The following CA12 variants were observed in gnomAD, a reference collection of about 807,000 sequenced individuals.
The protein encoded by CA12 is carbonate dehydratase XII.
A neutral mutation model predicts 46.8 loss-of-function variants in CA12; 36 were observed. The ratio of observed to expected loss-of-function variants is 0.77; its 90% CI spans 0.59 to 1.02. The LOEUF (loss-of-function observed/expected upper bound fraction) is 1.02. Ranked by LOEUF, CA12 falls within the 50% of genes least tolerant of loss-of-function variation. CA12 has a pLI of 0.00. For synonymous variants in CA12, 202 were observed against 187.0 expected (o/e 1.08, Z -0.65); for missense variants, 436 against 451.4 (o/e 0.97, Z 0.31).
At position 63,327,024 on chromosome 15, in the gene CA12, C is replaced by T. The variant is rs1334093137; in HGVS notation, c.992+125G>A. ...AGGGCACGGGTGCTTTGGGGACGGC[C>T]CTCCTAGGGTAAGTGGTGGTCCAGG... is the stretch of plus-strand genomic sequence containing the variant. On this transcript the variant is annotated intron_variant, in intron 10 of 10. Coordinates refer to ENST00000178638, the MANE Select transcript of CA12 (RefSeq NM_001218.5). This position sits in a 1 kb window ranked among gnomAD's most constrained non-coding sequence, Gnocchi z 4.5. 2.4e-6 allele frequency: 2 copies of T among 832,200 alleles called. No individual in the cohort carries two copies. The highest frequency in any genetic ancestry group is 1.7e-5 in the African/African-American group (1 of 59,356). The allele number at this position is 832,200 out of a possible 1,614,324, so 51.6% of individuals were successfully genotyped here.
chr15:63,364,895 A>G (rs1378076809), intron 2 of CA12, among the ~76,000 whole-genome samples: 2 of 152,220 alleles, frequency 1.3e-5, no homozygotes, highest in South Asian at 4.1e-4. Context: ...TGTGCTGCTG[A>G]CAGCAATGAC....
chr15:63,334,375 C>T (rs952643975), intron 8 of CA12, among the ~76,000 whole-genome samples: 4 of 149,770 alleles, frequency 2.7e-5, no homozygotes, highest in African/African-American at 9.8e-5. Flanking sequence ...CCTGCCTCAG[C>T]CTCCACAGTA....
intron 1 of CA12, among the ~76,000 whole-genome samples, chr15:63,381,416 T>C (rs2039643602): frequency 6.6e-6 from 1 of 152,156 alleles, no homozygotes; most frequent in East Asian, 1.9e-4. Context: ...CGCAAACATT[T>C]TAACACCAAA....
At chr15:63,369,198 T>C (rs2039470895) in intron 2 of CA12, among the ~76,000 whole-genome samples, 2 of 152,238 alleles carry the variant, frequency 1.3e-5, no homozygotes, top group African/African-American at 4.8e-5. Flanking sequence ...CCTTTGTTTA[T>C]TGAAAATATA....
chr15:63,356,711 T>C (rs1429540687), intron 2 of CA12, among the ~76,000 whole-genome samples: 2 of 152,038 alleles, frequency 1.3e-5, no homozygotes, highest in Non-Finnish European at 2.9e-5. Context: ...TTAATAGAAA[T>C]GGGGTTTCAC....
At chr15:63,364,756 C>T (rs1039136447) in intron 2 of CA12, among the ~76,000 whole-genome samples, 14 of 152,254 alleles carry the variant, frequency 9.2e-5, no homozygotes, top group African/African-American at 3.1e-4. Flanking sequence ...TGTGTTCCCT[C>T]TTCCAATGTG....
chr15:63,366,992 G>A (rs2039443127), intron 2 of CA12, among the ~76,000 whole-genome samples: 1 of 152,090 alleles, frequency 6.6e-6, no homozygotes, highest in Non-Finnish European at 1.5e-5. Context: ...TATGATCTTG[G>A]CTCACTGCAG....
At position 63,326,339 on chromosome 15, in the gene CA12, G is replaced by A; in HGVS notation, c.1011C>T (p.Asn337=). Residue 337 remains asparagine, a synonymous_variant, in exon 11 of 11, where the codon AAC becomes AAT. Transcript: ENST00000178638. ...TGGCTGGCTTGTAAATGACTCCCTT[G>A]TTATCACCTTTTTTGATACTAGAAC... ...FRRKSIKKGD[N]KGVIYKPATK... is the part of the protein sequence containing the mutation. The A allele has an allele frequency of 1.2e-6, 2 of 1,613,820 alleles. No homozygotes were observed. The highest frequency in any genetic ancestry group is 1.7e-6 in the Non-Finnish European group (2 of 1,179,740).
At position 63,340,481 on chromosome 15, in the gene CA12, C is replaced by T; in HGVS notation, c.590-36G>A. The T allele has an allele frequency of 6.2e-7, 1 of 1,613,674 alleles. No individual in the cohort carries two copies. The highest frequency in any genetic ancestry group is 8.5e-7 in the Non-Finnish European group (1 of 1,179,558). On this transcript the variant is annotated intron_variant, in intron 6 of 10. Transcript: ENST00000178638. The surrounding 1 kb of genome is among the most constrained non-coding windows in gnomAD (Gnocchi z 4.4). ...ATGTTGCAGAGGTGATAGTGTCAGCCTCCCTCCGTAGGGCATAAGTGCAGC... is the reference window on the plus strand; with the variant it reads ...ATGTTGCAGAGGTGATAGTGTCAGCTTCCCTCCGTAGGGCATAAGTGCAGC...
intron 2 of CA12, among the ~76,000 whole-genome samples, 179 bp from the exon 3 acceptor site, chr15:63,346,888 A>G (rs2039157424): frequency 6.6e-6 from 1 of 152,222 alleles, no homozygotes; most frequent in African/African-American, 2.4e-5. Context: ...ACTCAGGACC[A>G]CCTGCTCTTA....
chr15:63,342,033 T>C lies in CA12; in HGVS notation c.494A>G (p.Glu165Gly). The part of the protein sequence containing the change: ...PDASTASNKS[E>G]GLAVLAVLIE... ...GAGAACAGCCAGGACAGCGAGGCCT[T>C]CTGACTTGTTGCTGGCAGTGCTGGC... is the stretch of plus-strand genomic sequence containing the variant. The change falls in exon 5 of 11, where the codon GAA becomes GGA. Residue 165 changes from glutamate to glycine, a missense_variant. Physicochemically the swap from Glu to Gly is moderately conservative, Grantham distance 98. Transcript: ENST00000178638. 10 of 1,614,042 alleles carry C rather than the reference T, an allele frequency of 6.2e-6. No homozygotes were observed. Among genetic ancestry groups the C allele is most frequent in the Non-Finnish European group, 8.5e-6 (10 of 1,179,882 alleles).
In CA12 at chr15:63,339,060, G is replaced by A. The variant is rs552992887; in HGVS notation, c.748-115C>T. The A allele has an allele frequency of 1.6e-6, 2 of 1,248,572 alleles. No individual in the cohort carries two copies. The highest frequency in any genetic ancestry group is 2.3e-6 in the Non-Finnish European group (2 of 877,398). 77.3% of individuals were successfully genotyped at this position (1,248,572 alleles called of 1,614,324 possible). Reference sequence around the variant, plus strand: ...GGAGAAGCCTCTGGAACCAGCTTCTGTGGGGCCGGGTGGGAGATATTAGAA... The same window carrying A: ...GGAGAAGCCTCTGGAACCAGCTTCTATGGGGCCGGGTGGGAGATATTAGAA... On this transcript the variant is annotated intron_variant, in intron 7 of 10. Coordinates refer to ENST00000178638, the MANE Select transcript of CA12 (RefSeq NM_001218.5). This position sits in a 1 kb window ranked among gnomAD's most constrained non-coding sequence, Gnocchi z 4.3.
At position 63,331,333 on chromosome 15, in the gene CA12, C is replaced by G. The variant is rs1295311643; in HGVS notation, c.875-3203G>C. ...TGGGTGAGAGCGAAGCCTCTAGGCA[C>G]TGTAGAGAACAGGCATCAAAGATGG... is the stretch of plus-strand genomic sequence containing the variant. On this transcript the variant is annotated intron_variant, in intron 8 of 10. Transcript: ENST00000178638. This position sits in a 1 kb window ranked among gnomAD's most constrained non-coding sequence, Gnocchi z 5.3. 6.6e-6 allele frequency among the ~76,000 whole-genome samples: 1 copy of G among 152,182 alleles called. No homozygotes were observed. The highest frequency in any genetic ancestry group is 1.5e-5 in the Non-Finnish European group (1 of 68,038).
At chr15:63,381,462 C>G (rs1012231972) in intron 1 of CA12, among the ~76,000 whole-genome samples, 174 bp downstream of exon 1, 1 of 152,224 alleles carries the variant, frequency 6.6e-6, no homozygotes, top group Non-Finnish European at 1.5e-5. Flanking sequence ...AACGTGCTTC[C>G]CGACCCAACC....
chr15:63,352,298 C>T (rs906555702), intron 2 of CA12, among the ~76,000 whole-genome samples: 2 of 152,238 alleles, frequency 1.3e-5, no homozygotes, highest in African/African-American at 4.8e-5. Context: ...CTAAAGCGAT[C>T]CACCTGCCTT....
In CA12 at chr15:63,327,315, G is replaced by T; in HGVS notation, c.908-82C>A. On this transcript the variant is annotated intron_variant, in intron 9 of 10. Transcript: ENST00000178638. The surrounding 1 kb of genome is among the most constrained non-coding windows in gnomAD (Gnocchi z 4.5). ...CATGGCCCCCGGGTGTGAAATCATGGCCCAGCTGCATAATCATCCACAGAA... is the reference window on the plus strand; with the variant it reads ...CATGGCCCCCGGGTGTGAAATCATGTCCCAGCTGCATAATCATCCACAGAA... 2 of 1,026,516 alleles carry T rather than the reference G, an allele frequency of 1.9e-6. No individual in the cohort carries two copies. The highest frequency in any genetic ancestry group is 1.4e-5 in the South Asian group (1 of 73,990). The allele number at this position is 1,026,516 out of a possible 1,614,324, so 63.6% of individuals were successfully genotyped here. A position where few individuals can be genotyped will look rare whatever the true frequency, so the allele number is the denominator to read the frequency against.
In CA12 at chr15:63,325,794, T is replaced by C. The variant is rs1441110447; in HGVS notation, c.*491A>G. 9.2e-6 allele frequency: 2 copies of C among 216,912 alleles called. No homozygotes were observed. Among genetic ancestry groups the C allele is most frequent in the East Asian group, 2.1e-4 (2 of 9,618 alleles). The allele number at this position is 216,912 out of a possible 1,614,324, so 13.4% of individuals were successfully genotyped here. A position where few individuals can be genotyped will look rare whatever the true frequency, so the allele number is the denominator to read the frequency against. ...AAGGTGCAGATTAAAGGTTTTGTCA[T>C]AGCAGAAGGAAATCAGAGGGAGATG... On this transcript the variant is annotated 3_prime_UTR_variant, in exon 11 of 11. Transcript: ENST00000178638. The surrounding 1 kb of genome is among the most constrained non-coding windows in gnomAD (Gnocchi z 4.9).
intron 4 of CA12, among the ~76,000 whole-genome samples, chr15:63,344,560 T>A (rs1195487418): frequency 6.6e-6 from 1 of 152,208 alleles, no homozygotes; most frequent in East Asian, 1.9e-4. Context: ...AGTGGTACCA[T>A]CCTATTGAAC....
In CA12 at chr15:63,339,705, T is replaced by A. The variant is rs887246613; in HGVS notation, c.747+583A>T. ...CATTTTTCTTCTCATGAATTTAGGCTGTGGAGGACAGGTATGAGCAGTGAC... is the reference window on the plus strand; with the variant it reads ...CATTTTTCTTCTCATGAATTTAGGCAGTGGAGGACAGGTATGAGCAGTGAC... On this transcript the variant is annotated intron_variant, in intron 7 of 10. Transcript: ENST00000178638. This position sits in a 1 kb window ranked among gnomAD's most constrained non-coding sequence, Gnocchi z 4.3. Among the ~76,000 whole-genome samples the A allele has an allele frequency of 2.0e-5, 3 of 151,982 alleles. No individual in the cohort carries two copies. Among genetic ancestry groups the A allele is most frequent in the African/African-American group, 7.3e-5 (3 of 41,276 alleles).
Sources: gnomAD v4.1 joint callset for allele counts (sites outside exome capture counted in the v4.1 genomes callset) on GRCh38, gnomAD v4.1.1 for gene constraint, Gnocchi (gnomAD v3.1) non-coding constraint, MANE v1.5 for transcripts, NCBI Gene and HGNC (gene_info 2026-07-23, HGNC 2026-07-21) for gene names.